The following PHKA1 variants were observed in gnomAD, a reference collection of about 807,000 sequenced individuals.
PHKA1 encodes the protein phosphorylase kinase regulatory subunit alpha 1.
Under a neutral mutation model 110.2 loss-of-function variants are expected in PHKA1, and 60 were observed. The ratio of observed to expected loss-of-function variants is 0.54; its 90% CI spans 0.44 to 0.68. The LOEUF (loss-of-function observed/expected upper bound fraction) is 0.68, where lower values mean the gene tolerates loss of function less well. Among genes scored for constraint, PHKA1 ranks in the 30% least tolerant of loss-of-function variants. The pLI is 0.00. For missense variants in PHKA1, 801 were observed against 942.5 expected (o/e 0.85, Z 1.97); for synonymous variants, 316 against 333.6 (o/e 0.95, Z 0.58).
intron 8 of PHKA1, among the ~76,000 whole-genome samples, chrX:72,663,341 A>G (rs1237614667): frequency 1.8e-5 from 2 of 111,132 alleles, no homozygotes; most frequent in African/African-American, 3.3e-5. Context: ...AAAAAAACGA[A>G]TAAAAAAGAA....
At chrX:72,597,348 G>C (rs2052604246) in intron 28 of PHKA1, among the ~76,000 whole-genome samples, 1 of 111,743 alleles carries the variant, frequency 8.9e-6, no homozygotes, top group Non-Finnish European at 1.9e-5. Flanking sequence ...ACGCCAGACA[G>C]AGGCTGTTTA....
At chrX:72,678,277 T>C (rs1174212087) in intron 5 of PHKA1, among the ~76,000 whole-genome samples, 1 of 111,521 alleles carries the variant, frequency 9.0e-6, no homozygotes, top group African/African-American at 3.3e-5. Flanking sequence ...GGCCCTCTCA[T>C]TAAATGGAAC....
Position 72,671,077 on chromosome X carries a change from T to C in PHKA1, c.619-3604A>G, listed in dbSNP as rs782443373. 4.5e-5 allele frequency among the ~76,000 whole-genome samples: 5 copies of C among 111,270 alleles called. No individual in the cohort carries two copies. In the East Asian group the frequency reaches 1.1e-3, roughly 25 times the overall value. ...TCCTATTCAACATAGTGTTGGAAGTTCTGGCCAGGGCAATCAGGCAGGAGA... is the reference window on the plus strand; with the variant it reads ...TCCTATTCAACATAGTGTTGGAAGTCCTGGCCAGGGCAATCAGGCAGGAGA... On this transcript the variant is annotated intron_variant, in intron 6 of 31. Transcript: ENST00000373542.
At chrX:72,600,140 C>A (rs2052640212) in intron 28 of PHKA1, among the ~76,000 whole-genome samples, 2 of 110,272 alleles carry the variant, frequency 1.8e-5, no homozygotes, top group African/African-American at 6.6e-5. Context: ...TACAAAATAC[C>A]AGACAGGCAG....
At chrX:72,705,016 G>T (rs2054259920) in intron 3 of PHKA1, among the ~76,000 whole-genome samples, 182 bp downstream of exon 3, 1 of 112,365 alleles carries the variant, frequency 8.9e-6, no homozygotes, top group Non-Finnish European at 1.9e-5. Context: ...AAACATTCCA[G>T]TGGTAATTAC....
intron 31 of PHKA1, among the ~76,000 whole-genome samples, chrX:72,581,943 G>A (rs1344889898): frequency 8.9e-6 from 1 of 112,126 alleles, no homozygotes; most frequent in Non-Finnish European, 1.9e-5. Flanking sequence ...GAAAAATGTA[G>A]GAGTAAAAGT....
rs782660438 is a variant in PHKA1 at position 72,702,743 on chromosome X, A to G, written c.285+2455T>C. Reference sequence around the variant, plus strand: ...TTTTCTTGTAAAATGCTTTCTCCAAAAGATTTGAAAAAACAAAGGTGGGGG... The same window carrying G: ...TTTTCTTGTAAAATGCTTTCTCCAAGAGATTTGAAAAAACAAAGGTGGGGG... On this transcript the variant is annotated intron_variant, in intron 3 of 31. Coordinates refer to ENST00000373542, the MANE Select transcript of PHKA1 (RefSeq NM_002637.4). 1.3e-4 allele frequency among the ~76,000 whole-genome samples: 15 copies of G among 111,741 alleles called. 1 individual carries two copies. Among genetic ancestry groups the G allele is most frequent in the Admixed American group, 1.3e-3 (14 of 10,528 alleles).
rs1170308830 is a variant in PHKA1, at chrX:72,673,461, A to T, written c.618+2609T>A. Among the ~76,000 whole-genome samples, 3 of 112,111 alleles carry T rather than the reference A, an allele frequency of 2.7e-5. No individual in the cohort carries two copies. The Admixed American group carries it at 2.8e-4, about 11-fold the overall frequency. ...ATGATTACAAAATAAAAAGTAAAAA[A>T]GTTTAAATGGTAAAAAACTTTAAAT... On this transcript the variant is annotated intron_variant, in intron 6 of 31. Transcript: ENST00000373542.
Position 72,602,019 on chromosome X carries a change from C to G in PHKA1, c.3044G>C (p.Arg1015Pro). Reference sequence around the variant, plus strand: ...ACTCTCAGCTGAGATTGACAGTCTACGAAATTCCACCTGAAACATAAATGG... The same window carrying G: ...ACTCTCAGCTGAGATTGACAGTCTAGGAAATTCCACCTGAAACATAAATGG... ...LKSEIKQVEF[R>P]RLSISAESQS... The change falls in exon 28 of 32, where the codon CGT becomes CCT. Residue 1015 changes from arginine to proline, a missense_variant. Arg to Pro is a moderately radical substitution (Grantham distance 103, BLOSUM62 -2). This residue lies in a region of PHKA1 where 502 missense variants were observed against 519.2 expected (regional missense o/e 0.97). Coordinates refer to ENST00000373542, the MANE Select transcript of PHKA1 (RefSeq NM_002637.4). The G allele has an allele frequency of 8.4e-7, 1 of 1,197,010 alleles. No homozygotes were observed. Among genetic ancestry groups the G allele is most frequent in the South Asian group, 1.8e-5 (1 of 56,158 alleles).
chrX:72,711,635 T>A (rs1490114047), intron 2 of PHKA1, among the ~76,000 whole-genome samples: 1 of 111,054 alleles, frequency 9.0e-6, no homozygotes, highest in Non-Finnish European at 1.9e-5. Flanking sequence ...TCCCAGCTAC[T>A]CGGGAGGCTG....
rs1556290814 is a variant in PHKA1, at chrX:72,635,166, T to TG, written c.1702dup (p.His568ProfsTer5). The TG allele has an allele frequency of 8.3e-7, 1 of 1,210,178 alleles. No homozygotes were observed. Among genetic ancestry groups the TG allele is most frequent in the Non-Finnish European group, 1.1e-6 (1 of 895,256 alleles). On this transcript the variant is annotated frameshift_variant, in exon 16 of 32. Transcript: ENST00000373542. LOFTEE classifies it high-confidence loss of function. Reference sequence around the variant, plus strand: ...CATGCAGCCCTTACCAAGCATGCTGTGTGAGATGGGGAAGGTGATGGTGGG... The same window carrying TG: ...CATGCAGCCCTTACCAAGCATGCTGTGGTGAGATGGGGAAGGTGATGGTGGG...
Position 72,667,418 on chromosome X carries a change from T to C in PHKA1, c.674A>G (p.Gln225Arg), listed in dbSNP as rs1556306907. ...ATCAGCCAGGACATGGATAACTGAT[T>C]GAGGCCCACCTTTCACACCAAACAG... Reference protein sequence around the residue: ...LDLFGVKGGPQSVIHVLADEV... With the variant: ...LDLFGVKGGPRSVIHVLADEV... Residue 225 changes from glutamine (Q) to arginine (R), a missense_variant, in exon 7 of 32, where the codon CAA becomes CGA. Coordinates refer to ENST00000373542, the MANE Select transcript of PHKA1 (RefSeq NM_002637.4). The C allele has an allele frequency of 6.6e-6, 8 of 1,210,667 alleles. No individual in the cohort carries two copies. Among genetic ancestry groups the C allele is most frequent in the Non-Finnish European group, 8.9e-6 (8 of 894,486 alleles).
chrX:72,644,959 G>A (rs1488260740), intron 13 of PHKA1, among the ~76,000 whole-genome samples: 2 of 111,532 alleles, frequency 1.8e-5, no homozygotes, highest in Non-Finnish European at 3.8e-5. Context: ...TGGTGAATTG[G>A]GGATAACAAT....
chrX:72,695,843 T>A lies in PHKA1; in HGVS notation c.319A>T (p.Ser107Cys). The A allele has an allele frequency of 8.3e-7, 1 of 1,206,869 alleles. No homozygotes were observed. The highest frequency in any genetic ancestry group is 1.1e-6 in the Non-Finnish European group (1 of 891,280). ...TTTGCATGGAGGCTATCCTTAGTAC[T>A]CTGACTATATTTGAAGGATTCTACT... The part of the protein sequence containing the change: ...DKVESFKYSQ[S>C]TKDSLHAKYN... The change falls in exon 4 of 32, where the codon AGT becomes TGT. Residue 107 changes from serine to cysteine, a missense_variant. Transcript: ENST00000373542.
At chrX:72,684,648 G>T in intron 4 of PHKA1, 68 bp from the exon 5 acceptor site, 1 of 667,672 alleles carries the variant, frequency 1.5e-6, no homozygotes, top group Non-Finnish European at 2.4e-6. Flanking sequence ...GGCAGCCATA[G>T]TGACTAACTG....
chrX:72,678,352 C>T (rs1279848177), intron 5 of PHKA1, among the ~76,000 whole-genome samples: 1 of 111,791 alleles, frequency 8.9e-6, no homozygotes, highest in Non-Finnish European at 1.9e-5. Context: ...CCACACACAT[C>T]TGTATCTCTG....
intron 8 of PHKA1, among the ~76,000 whole-genome samples, chrX:72,664,065 A>C (rs1287583345): frequency 2.7e-5 from 3 of 111,446 alleles, no homozygotes; most frequent in Non-Finnish European, 3.8e-5. Flanking sequence ...ACAATTAACA[A>C]AATAACAGGA....
At chrX:72,641,347 T>A (rs1311239338) in intron 14 of PHKA1, among the ~76,000 whole-genome samples, 2 of 111,523 alleles carry the variant, frequency 1.8e-5, no homozygotes, top group African/African-American at 6.5e-5. Context: ...GGATAAAAAT[T>A]CTTGAAAATA....
At chrX:72,696,562 G>A (rs1569452209) in intron 3 of PHKA1, among the ~76,000 whole-genome samples, 1 of 111,413 alleles carries the variant, frequency 9.0e-6, no homozygotes, top group Non-Finnish European at 1.9e-5. Flanking sequence ...TGACCTGGAA[G>A]CCCCCAGTTG....
Sources: gnomAD v4.1 joint callset for allele counts (sites outside exome capture counted in the v4.1 genomes callset) on GRCh38, gnomAD v4.1.1 for gene constraint, gnomAD v4.1.1 regional missense constraint, MANE v1.5 for transcripts, NCBI Gene and HGNC (gene_info 2026-07-23, HGNC 2026-07-21) for gene names.